NREP: variants seen among roughly 807,000 people sequenced by gnomAD.
NREP encodes the protein neuronal regeneration related protein.
In NREP, 5 loss-of-function variants were observed where a neutral mutation model predicts 8.6. The observed-to-expected ratio is 0.58, with a 90% CI of 0.30 to 1.22. The LOEUF (loss-of-function observed/expected upper bound fraction) is 1.22. Among genes scored for constraint, NREP ranks in the 50% most tolerant of loss-of-function variants. NREP has a pLI of 0.07. For missense variants in NREP, 86 were observed against 82.5 expected, an observed-to-expected ratio of 1.04 and a Z score of -0.17; for synonymous variants, 27 against 28.0, an observed-to-expected ratio of 0.96 and a Z score of 0.11.
At chr5:111,933,574 G>A (rs1755601842) in intron 2 of NREP, among the ~76,000 whole-genome samples, 1 of 151,988 alleles carries the variant, frequency 6.6e-6, no homozygotes, top group African/African-American at 2.4e-5. Context: ...TCCAAGCCAA[G>A]GACAGAATGA....
intron 2 of NREP, among the ~76,000 whole-genome samples, chr5:111,777,014 T>TGGA (rs147009924): frequency 0.6 from 74,570 of 125,158 alleles, 21,053 homozygotes; most frequent in East Asian, 0.81. Context: ...AGGAAGGAGG[T>TGGA]GGAGGAGGAG....
At chr5:111,958,588 G>A (rs995669113) in intron 2 of NREP, among the ~76,000 whole-genome samples, 3 of 151,794 alleles carry the variant, frequency 2.0e-5, no homozygotes, top group African/African-American at 7.2e-5. Flanking sequence ...GAAGCACATA[G>A]TTTAATCTAA....
At chr5:111,968,429 G>A (rs1756707165) in intron 2 of NREP, among the ~76,000 whole-genome samples, 1 of 152,118 alleles carries the variant, frequency 6.6e-6, no homozygotes, top group African/African-American at 2.4e-5. Flanking sequence ...AGAAAAATGA[G>A]CACTGTTTTA....
At chr5:111,935,595 A>G (rs936391033) in intron 2 of NREP, among the ~76,000 whole-genome samples, 2 of 152,110 alleles carry the variant, frequency 1.3e-5, no homozygotes, top group African/African-American at 2.4e-5. Flanking sequence ...CCACTTTTCC[A>G]ATAAGAATAA....
At chr5:111,782,746 CT>C (rs144207125) in intron 2 of NREP, among the ~76,000 whole-genome samples, 58 of 144,758 alleles carry the variant, frequency 4.0e-4, no homozygotes, top group Non-Finnish European at 6.2e-4. Context: ...TTTTTTTTTT[CT>C]TTTTTTTTTG....
chr5:111,904,750 G>C (rs1467291009), intron 2 of NREP, among the ~76,000 whole-genome samples: 1 of 152,060 alleles, frequency 6.6e-6, no homozygotes, highest in Non-Finnish European at 1.5e-5. Context: ...TCTAAATAAA[G>C]ACAGCAGGAA....
At chr5:111,752,994 A>C (rs1182247064) in intron 2 of NREP, among the ~76,000 whole-genome samples, 3 of 152,226 alleles carry the variant, frequency 2.0e-5, no homozygotes, top group African/African-American at 7.2e-5. Context: ...CATAGCAATT[A>C]AAATTTAGCA....
At chr5:111,943,892 T>C (rs1458826286) in intron 2 of NREP, among the ~76,000 whole-genome samples, 1 of 152,146 alleles carries the variant, frequency 6.6e-6, no homozygotes, top group African/African-American at 2.4e-5. Context: ...TTACGTTTTT[T>C]GCATTCAAGA....
At chr5:111,811,576 A>G (rs1032663050) in intron 2 of NREP, among the ~76,000 whole-genome samples, 6 of 152,188 alleles carry the variant, frequency 3.9e-5, no homozygotes, top group East Asian at 3.8e-4. Context: ...TGAAGCTGGG[A>G]CATATCAAAG....
At chr5:111,848,982 A>G (rs992870207) in intron 2 of NREP, among the ~76,000 whole-genome samples, 2 of 151,844 alleles carry the variant, frequency 1.3e-5, no homozygotes, top group Admixed American at 6.6e-5. Context: ...TGGATCTCAT[A>G]CTCTTCACTG....
chr5:111,749,899 G>C (rs923797571), intron 2 of NREP, among the ~76,000 whole-genome samples: 1 of 152,162 alleles, frequency 6.6e-6, no homozygotes, highest in African/African-American at 2.4e-5. Context: ...CCCAGCCTAA[G>C]GGGAGTGAGA....
chr5:111,794,811 C>G (rs576293817), intron 2 of NREP, among the ~76,000 whole-genome samples: 2 of 152,116 alleles, frequency 1.3e-5, no homozygotes, highest in South Asian at 2.1e-4. Flanking sequence ...GGAGTGAACC[C>G]TAATGTAAAC....
In NREP at chr5:111,729,615, G is replaced by GAAAC. The variant is rs1355307012; in HGVS notation, c.*1302_*1305dup. On this transcript the variant is annotated 3_prime_UTR_variant, in exon 4 of 4. Coordinates refer to ENST00000257435, the MANE Select transcript of NREP (RefSeq NM_004772.4). ...TCATCGGTGTTTAACAGTCAGAAGC[G>GAAAC]AAACAGTTCAGAACAAGGCCTGCCC... The GAAAC allele has an allele frequency of 3.3e-5, 5 of 152,744 alleles. No homozygotes were observed. Among genetic ancestry groups the GAAAC allele is most frequent in the South Asian group, 4.1e-4 (2 of 4,822 alleles). 9.5% of individuals were successfully genotyped at this position (152,744 alleles called of 1,614,324 possible).
At chr5:111,848,767 T>C (rs115090168) in intron 2 of NREP, among the ~76,000 whole-genome samples, 2,322 of 152,242 alleles carry the variant, frequency 0.015, 33 homozygotes, top group Middle Eastern at 0.024. Context: ...TGCCATGCTT[T>C]AATGTTCCTT....
chr5:111,890,620 A>T (rs964240456), intron 2 of NREP, among the ~76,000 whole-genome samples: 8 of 152,218 alleles, frequency 5.3e-5, no homozygotes, highest in African/African-American at 1.9e-4. Flanking sequence ...CCCAAGCCTC[A>T]ATTGTTGTAC....
intron 2 of NREP, among the ~76,000 whole-genome samples, chr5:111,849,530 G>A (rs1181529025): frequency 1.3e-5 from 2 of 152,112 alleles, no homozygotes; most frequent in Non-Finnish European, 1.5e-5. Context: ...ACTTCTAATT[G>A]CAGTATGGAC....
chr5:111,738,597 A>G (rs1749366539), intron 2 of NREP: 2 of 148,882 alleles, frequency 1.3e-5, no homozygotes, highest in Admixed American at 6.8e-5. Flanking sequence ...AGTGCTGGAC[A>G]CTGTTAGGTT....
intron 2 of NREP, among the ~76,000 whole-genome samples, chr5:111,817,640 C>T (rs1752414071): frequency 6.6e-6 from 1 of 151,746 alleles, no homozygotes; most frequent in African/African-American, 2.4e-5. Context: ...CTCGTCTCTA[C>T]TAAAAATACA....
At chr5:111,869,838 A>C (rs1753749144) in intron 2 of NREP, among the ~76,000 whole-genome samples, 1 of 152,176 alleles carries the variant, frequency 6.6e-6, no homozygotes, top group African/African-American at 2.4e-5. Flanking sequence ...GGACCAGCCT[A>C]AAGTTGAGCA....
Sources: allele counts gnomAD v4.1 joint callset (sites outside exome capture counted in the v4.1 genomes callset), GRCh38; gene constraint gnomAD v4.1.1; transcripts MANE v1.5; gene names NCBI Gene and HGNC (gene_info 2026-07-23, HGNC 2026-07-21).